NTRK3: variants seen among roughly 807,000 people sequenced by gnomAD.
NTRK3 encodes neurotrophic receptor tyrosine kinase 3.
A neutral mutation model predicts 91.7 loss-of-function variants in NTRK3; 24 were observed. That is an observed-to-expected ratio of 0.26 (90% CI 0.19 to 0.37). The LOEUF is 0.37. Ranked by LOEUF, NTRK3 falls within the 10% of genes least tolerant of loss-of-function variation. The pLI is 1.00. For synonymous variants in NTRK3, 483 were observed against 404.0 expected, an observed-to-expected ratio of 1.20 and a Z score of -2.34; for missense variants, 880 against 1,068.9, an observed-to-expected ratio of 0.82 and a Z score of 2.46.
chr15:87,957,066 C>G (rs957073528), intron 14 of NTRK3, among the ~76,000 whole-genome samples: 1 of 152,266 alleles, frequency 6.6e-6, no homozygotes, highest in African/African-American at 2.4e-5. Flanking sequence ...CCCATGGAGC[C>G]AGACTGTCTG....
chr15:88,193,928 C>T (rs2047611694), intron 3 of NTRK3, among the ~76,000 whole-genome samples: 1 of 152,212 alleles, frequency 6.6e-6, no homozygotes, highest in African/African-American at 2.4e-5. Flanking sequence ...TCGTCTACAC[C>T]TGCAGGCCCT....
chr15:87,961,746 T>C (rs1223349424), intron 14 of NTRK3, among the ~76,000 whole-genome samples: 2 of 152,262 alleles, frequency 1.3e-5, no homozygotes, highest in Admixed American at 6.5e-5. Context: ...TGGACATTGG[T>C]GTGTTGGTGA....
At chr15:88,138,273 G>T (rs1215214729) in intron 6 of NTRK3, among the ~76,000 whole-genome samples, 1 of 151,866 alleles carries the variant, frequency 6.6e-6, no homozygotes, top group East Asian at 1.9e-4. Flanking sequence ...AGCCGGGCGT[G>T]GTGGTGGGCA....
chr15:88,136,646 A>G (rs1298853615), intron 7 of NTRK3, 37 bp from the exon 8 acceptor site: 1 of 1,601,860 alleles, frequency 6.2e-7, no homozygotes, highest in Non-Finnish European at 8.5e-7. Flanking sequence ...AGACAGGCAA[A>G]CACTTACTAC....
chr15:88,088,099 C>G (rs1012644988), intron 13 of NTRK3, among the ~76,000 whole-genome samples: 3 of 152,094 alleles, frequency 2.0e-5, no homozygotes, highest in African/African-American at 7.2e-5. Context: ...GTAAATCAAG[C>G]CTCAATAAAG....
At chr15:88,135,444 C>T (rs1443480433) in intron 9 of NTRK3, 47 bp from the exon 10 acceptor site, 1 of 1,596,132 alleles carries the variant, frequency 6.3e-7, no homozygotes, top group Non-Finnish European at 8.5e-7. Flanking sequence ...GAGTCTACCA[C>T]CTCCTGCAGT....
At chr15:87,978,574 G>T (rs983159667) in intron 14 of NTRK3, 3 of 229,962 alleles carry the variant, frequency 1.3e-5, no homozygotes, top group African/African-American at 6.6e-5. Context: ...AAAGCTTGTC[G>T]GAACTGCAGA....
At chr15:87,910,545 T>A (rs977367416) in intron 17 of NTRK3, among the ~76,000 whole-genome samples, 2 of 152,142 alleles carry the variant, frequency 1.3e-5, no homozygotes, top group African/African-American at 4.8e-5. Flanking sequence ...GGCTTACAGA[T>A]TAAGCAATCA....
chr15:88,100,804 GC>G (rs2050094709), intron 13 of NTRK3, among the ~76,000 whole-genome samples: 1 of 152,116 alleles, frequency 6.6e-6, no homozygotes, highest in African/African-American at 2.4e-5. Flanking sequence ...GGGAAAACTG[GC>G]TAGCCATATG....
Position 88,241,448 on chromosome 15 carries a change from G to A in NTRK3, c.248+14458C>T, listed in dbSNP as rs1007550589. On this transcript the variant is annotated intron_variant, in intron 3 of 18. Coordinates refer to ENST00000394480, the Ensembl canonical transcript of NTRK3. This position sits in a 1 kb window ranked among gnomAD's most constrained non-coding sequence, Gnocchi z 4.3. ...TTCCAGGGAGACAGAACATGACCCC[G>A]GAAAATGAACCCTAGATGCAAATCA... Among the ~76,000 whole-genome samples the A allele has an allele frequency of 1.3e-4, 20 of 152,124 alleles. No homozygotes were observed. The highest frequency in any genetic ancestry group is 4.6e-4 in the African/African-American group (19 of 41,428).
chr15:87,873,730 C>T (rs990079590), exon 19 of NTRK3: 11 of 231,718 alleles, frequency 4.7e-5, no homozygotes, highest in Non-Finnish European at 9.4e-5. Context: ...AATGGACCGT[C>T]GACAGTGCTT....
intron 14 of NTRK3, chr15:87,979,418 G>A: frequency 6.2e-7 from 1 of 1,613,658 alleles, no homozygotes; most frequent in Non-Finnish European, 8.5e-7. Context: ...AAGAGGCTTG[G>A]AATGTCCGGG....
intron 14 of NTRK3, among the ~76,000 whole-genome samples, chr15:87,982,106 A>G (rs1399766582): frequency 6.6e-6 from 1 of 152,220 alleles, no homozygotes; most frequent in African/African-American, 2.4e-5. Context: ...AGTCTCTGCC[A>G]ATGTCCCCGA....
At chr15:88,058,231 C>G (rs2045901279) in intron 13 of NTRK3, among the ~76,000 whole-genome samples, 1 of 152,166 alleles carries the variant, frequency 6.6e-6, no homozygotes, top group East Asian at 1.9e-4. Flanking sequence ...AGCACCAGGA[C>G]TACGACGTCA....
chr15:88,006,093 C>T (rs115593173), intron 14 of NTRK3, among the ~76,000 whole-genome samples: 4,497 of 152,238 alleles, frequency 0.03, 235 homozygotes, highest in African/African-American at 0.1. Context: ...CTGTAGCTGT[C>T]AAAATAGCCT....
At chr15:87,987,519 A>G (rs2074921393) in intron 14 of NTRK3, among the ~76,000 whole-genome samples, 1 of 150,264 alleles carries the variant, frequency 6.7e-6, no homozygotes, top group Non-Finnish European at 1.5e-5. Flanking sequence ...ATATATAGAT[A>G]GATAGATGTG....
chr15:88,206,658 GA>G (rs758639696), intron 3 of NTRK3, among the ~76,000 whole-genome samples: 1,635 of 59,602 alleles, frequency 0.027, 37 homozygotes, highest in African/African-American at 0.07. Flanking sequence ...ACTCCGTCTC[GA>G]AAAAAAAAAA....
chr15:88,020,574 C>T (rs1305552413), intron 14 of NTRK3, among the ~76,000 whole-genome samples: 1 of 152,150 alleles, frequency 6.6e-6, no homozygotes, highest in African/African-American at 2.4e-5. Flanking sequence ...ATATTGCTGT[C>T]AAGGCAAGGA....
At chr15:88,001,359 A>T (rs893161886) in intron 14 of NTRK3, among the ~76,000 whole-genome samples, 1 of 151,974 alleles carries the variant, frequency 6.6e-6, no homozygotes, top group Admixed American at 6.6e-5. Flanking sequence ...TGATATATAT[A>T]TTTTTTCTTT....
Sources: allele counts gnomAD v4.1 joint callset (sites outside exome capture counted in the v4.1 genomes callset), GRCh38; gene constraint gnomAD v4.1.1; non-coding constraint Gnocchi (gnomAD v3.1); transcripts MANE v1.5; gene names NCBI Gene and HGNC (gene_info 2026-07-23, HGNC 2026-07-21).